Variants in ACVR2A observed in about 807,000 individuals in gnomAD.
ACVR2A encodes activin receptor type-2A.
A neutral mutation model predicts 61.4 loss-of-function variants in ACVR2A; 7 were observed. That is an observed-to-expected ratio of 0.11 (90% CI 0.06 to 0.21). The LOEUF (loss-of-function observed/expected upper bound fraction) is 0.21. ACVR2A is among the 10% of genes least tolerant of loss of function. The pLI, the probability that ACVR2A is intolerant of heterozygous loss-of-function variation, is 1.00. For synonymous variants in ACVR2A, 193 were observed against 208.3 expected (o/e 0.93, Z 0.63); for missense variants, 322 against 621.7 (o/e 0.52, Z 5.13).
chr2:147,902,400 T>G (rs1686890582), intron 4 of ACVR2A, among the ~76,000 whole-genome samples: 2 of 152,022 alleles, frequency 1.3e-5, no homozygotes, highest in Non-Finnish European at 2.9e-5. Flanking sequence ...CACATGCCTT[T>G]TGTTTCATAT....
intron 4 of ACVR2A, among the ~76,000 whole-genome samples, chr2:147,910,719 G>T (rs997982804): frequency 1.3e-5 from 2 of 151,926 alleles, no homozygotes; most frequent in African/African-American, 4.8e-5. Context: ...ACCTATTTTG[G>T]GATGACTGGA....
intron 1 of ACVR2A, among the ~76,000 whole-genome samples, chr2:147,863,266 G>C (rs538356902): frequency 6.6e-6 from 1 of 152,264 alleles, no homozygotes; most frequent in South Asian, 2.1e-4. Context: ...CTATGATGTG[G>C]TAAAAACTGC....
chr2:147,874,504 T>A (rs1686105554), intron 1 of ACVR2A, among the ~76,000 whole-genome samples: 1 of 151,964 alleles, frequency 6.6e-6, no homozygotes, highest in South Asian at 2.1e-4. Context: ...TGAAATCTCT[T>A]GATTATTTCT....
chr2:147,861,079 G>A (rs1000611482), intron 1 of ACVR2A, among the ~76,000 whole-genome samples: 14 of 152,160 alleles, frequency 9.2e-5, no homozygotes, highest in African/African-American at 3.4e-4. Context: ...AAGTGTAAAT[G>A]AGTTGATAGA....
intron 1 of ACVR2A, among the ~76,000 whole-genome samples, chr2:147,884,753 G>A (rs1227184871): frequency 6.6e-6 from 1 of 152,134 alleles, no homozygotes; most frequent in Non-Finnish European, 1.5e-5. Flanking sequence ...TTTGATACCT[G>A]TGGCCTTTCA....
intron 1 of ACVR2A, among the ~76,000 whole-genome samples, chr2:147,861,409 A>G (rs566514851): frequency 2.6e-5 from 4 of 152,308 alleles, no homozygotes; most frequent in Admixed American, 1.3e-4. Flanking sequence ...AATATTTTCA[A>G]TTATGTAGTT....
intron 1 of ACVR2A, among the ~76,000 whole-genome samples, chr2:147,860,665 CTCT>C (rs1223256953): frequency 1.3e-5 from 2 of 152,102 alleles, no homozygotes; most frequent in African/African-American, 4.8e-5. Context: ...GATGGGAAGG[CTCT>C]TCTTCACTAG....
rs1014615807 is a variant in ACVR2A at position 147,927,345 on chromosome 2, A to C, written c.*71A>C. The C allele has an allele frequency of 2.9e-6, 4 of 1,373,042 alleles. No individual in the cohort carries two copies. The highest frequency in any genetic ancestry group is 3.0e-5 in the African/African-American group (2 of 67,278). The allele number at this position is 1,373,042 out of a possible 1,614,324, so 85.1% of individuals were successfully genotyped here. ...AGCTGCTAAGCTAAAGAAACTGCTT[A>C]CAGTTTATTTTCTGTGTAAAATGAG... On this transcript the variant is annotated 3_prime_UTR_variant, in exon 11 of 11. Coordinates refer to ENST00000241416, the MANE Select transcript of ACVR2A (RefSeq NM_001616.5).
chr2:147,892,222 G>A (rs763548136), intron 1 of ACVR2A, among the ~76,000 whole-genome samples: 6 of 152,010 alleles, frequency 3.9e-5, no homozygotes, highest in African/African-American at 1.2e-4. Flanking sequence ...CGCCTGCCTC[G>A]GCTTCCCAAA....
chr2:147,862,738 T>C (rs1290597451), intron 1 of ACVR2A, among the ~76,000 whole-genome samples: 1 of 141,578 alleles, frequency 7.1e-6, no homozygotes, highest in Non-Finnish European at 1.6e-5. Context: ...AGCGAGACTC[T>C]GTCTCAAAAA....
At chr2:147,857,532 T>TAAAA (rs1003153545) in intron 1 of ACVR2A, among the ~76,000 whole-genome samples, 1 of 111,482 alleles carries the variant, frequency 9.0e-6, no homozygotes, top group South Asian at 2.8e-4. Context: ...TGGTTTTCTT[T>TAAAA]AAAAAAAAAA....
At chr2:147,867,658 C>T (rs1187383574) in intron 1 of ACVR2A, among the ~76,000 whole-genome samples, 3 of 152,048 alleles carry the variant, frequency 2.0e-5, no homozygotes, top group South Asian at 2.1e-4. Context: ...TGCTAGAAAC[C>T]GTGGAGATTA....
intron 10 of ACVR2A, 23 bp from the exon 11 acceptor site, chr2:147,927,057 A>G (rs1406094119): frequency 6.2e-7 from 1 of 1,602,234 alleles, no homozygotes; most frequent in Non-Finnish European, 8.5e-7. Flanking sequence ...GTGGCGTTTG[A>G]GTATATGTTT....
intron 1 of ACVR2A, among the ~76,000 whole-genome samples, chr2:147,885,781 A>G (rs1686416153): frequency 6.6e-6 from 1 of 152,162 alleles, no homozygotes; most frequent in Admixed American, 6.5e-5. Context: ...TTATTTTGTA[A>G]AATTTATGTG....
chr2:147,895,274 T>C (rs1434244529), intron 1 of ACVR2A, among the ~76,000 whole-genome samples: 1 of 152,162 alleles, frequency 6.6e-6, no homozygotes, highest in Non-Finnish European at 1.5e-5. Context: ...TAGTACATAG[T>C]GCACTACTGT....
At chr2:147,866,287 C>T (rs534569810) in intron 1 of ACVR2A, among the ~76,000 whole-genome samples, 4 of 152,200 alleles carry the variant, frequency 2.6e-5, no homozygotes, top group South Asian at 2.1e-4. Context: ...TGTATATTGC[C>T]GTAGCCACCA....
chr2:147,869,418 G>A (rs1298221124), intron 1 of ACVR2A, among the ~76,000 whole-genome samples: 2 of 152,170 alleles, frequency 1.3e-5, no homozygotes, highest in African/African-American at 4.8e-5. Flanking sequence ...CCTCGCAGTT[G>A]TGTTTGCGTG....
At chr2:147,852,455 T>C (rs1376003957) in intron 1 of ACVR2A, among the ~76,000 whole-genome samples, 1 of 152,064 alleles carries the variant, frequency 6.6e-6, no homozygotes, top group African/African-American at 2.4e-5. Context: ...CAGTACTCTC[T>C]TAGTGGAAAA....
chr2:147,883,295 A>G (rs1036406324), intron 1 of ACVR2A, among the ~76,000 whole-genome samples: 12 of 152,202 alleles, frequency 7.9e-5, no homozygotes, highest in African/African-American at 2.9e-4. Flanking sequence ...GGTTCAAGCA[A>G]TTCTTCTACC....
Sources: gnomAD v4.1 joint callset for allele counts (sites outside exome capture counted in the v4.1 genomes callset) on GRCh38, gnomAD v4.1.1 for gene constraint, MANE v1.5 for transcripts, NCBI Gene and HGNC (gene_info 2026-07-23, HGNC 2026-07-21) for gene names.